Variants in TANGO6 observed in about 807,000 individuals in gnomAD.
TANGO6 encodes transport and Golgi organization protein 6 homolog.
TANGO6 carries 90 observed loss-of-function variants against 114.2 expected under a neutral mutation model. That is an observed-to-expected ratio of 0.79 (90% CI 0.66 to 0.94). TANGO6 has a LOEUF of 0.94. Among genes scored for constraint, TANGO6 ranks in the 40% least tolerant of loss-of-function variants. The pLI is 0.00. For synonymous variants in TANGO6, 477 were observed against 509.8 expected (o/e 0.94, Z 0.87); for missense variants, 1,274 against 1,315.3 (o/e 0.97, Z 0.49).
chr16:69,041,870 A>G (rs1959779285), intron 17 of TANGO6, among the ~76,000 whole-genome samples: 1 of 152,244 alleles, frequency 6.6e-6, no homozygotes, highest in South Asian at 2.1e-4. Flanking sequence ...GCAGCTCAGT[A>G]TCAACAGGAC....
intron 9 of TANGO6, among the ~76,000 whole-genome samples, chr16:68,906,250 A>G (rs528946824): frequency 6.6e-6 from 1 of 152,176 alleles, no homozygotes; most frequent in Non-Finnish European, 1.5e-5. Context: ...GCCAGATTTT[A>G]TAACTTGGTA....
chr16:69,050,235 A>G (rs1959925856), intron 17 of TANGO6, among the ~76,000 whole-genome samples: 1 of 152,146 alleles, frequency 6.6e-6, no homozygotes. Flanking sequence ...CCTCACGAAC[A>G]CTTGTTATTG....
chr16:69,024,624 G>A (rs967581866), intron 16 of TANGO6, among the ~76,000 whole-genome samples: 1 of 152,074 alleles, frequency 6.6e-6, no homozygotes, highest in Non-Finnish European at 1.5e-5. Context: ...CAATATATCA[G>A]TGTATATCTT....
In TANGO6 at chr16:68,882,370, A is replaced by G. The variant is rs533677825; in HGVS notation, c.1377+1740A>G. 3.6e-3 allele frequency among the ~76,000 whole-genome samples: 549 copies of G among 151,958 alleles called. 5 individuals are homozygous for G. Among genetic ancestry groups the G allele is most frequent in the African/African-American group, 9.7e-3 (403 of 41,470 alleles). On this transcript the variant is annotated intron_variant, in intron 7 of 17. Coordinates refer to ENST00000261778, the MANE Select transcript of TANGO6 (RefSeq NM_024562.2). The stretch of plus-strand genomic sequence containing the variant: ...AAATTAGCCGGGCGTGGTGGCAGGC[A>G]CCTGTAGTCCCAGCTACTCGGGAGG...
intron 15 of TANGO6, among the ~76,000 whole-genome samples, chr16:69,004,840 T>C (rs1176559081): frequency 6.6e-6 from 1 of 152,184 alleles, no homozygotes; most frequent in Non-Finnish European, 1.5e-5. Flanking sequence ...TCCGGTTGTC[T>C]CCCACTGCAA....
chr16:69,038,202 G>A (rs941912918), intron 16 of TANGO6, among the ~76,000 whole-genome samples: 1 of 152,140 alleles, frequency 6.6e-6, no homozygotes, highest in Non-Finnish European at 1.5e-5. Context: ...GCCGAGGCAG[G>A]CAGATCACCT....
intron 16 of TANGO6, among the ~76,000 whole-genome samples, chr16:69,023,443 G>A (rs978289113): frequency 2.0e-5 from 3 of 151,978 alleles, no homozygotes; most frequent in East Asian, 1.9e-4. Flanking sequence ...GCAACACAGC[G>A]AGATTCTGTC....
intron 1 of TANGO6, among the ~76,000 whole-genome samples, chr16:68,852,307 A>G (rs1432796641): frequency 1.3e-5 from 2 of 152,202 alleles, no homozygotes; most frequent in Non-Finnish European, 2.9e-5. Context: ...AACACCTGTT[A>G]TGGGACATGC....
At chr16:68,950,429 A>C (rs141857687) in intron 14 of TANGO6, among the ~76,000 whole-genome samples, 3 of 152,084 alleles carry the variant, frequency 2.0e-5, no homozygotes, top group Non-Finnish European at 4.4e-5. Context: ...AGCTGGGCAT[A>C]GTATGGGTTC....
chr16:69,057,953 T>C (rs571700773), intron 17 of TANGO6, among the ~76,000 whole-genome samples: 2 of 152,026 alleles, frequency 1.3e-5, no homozygotes, highest in Non-Finnish European at 2.9e-5. Context: ...TACACAGAAC[T>C]GAAAAAAGCA....
chr16:69,035,115 C>G (rs571762655), intron 16 of TANGO6: 16 of 152,290 alleles, frequency 1.1e-4, no homozygotes, highest in African/African-American at 3.9e-4. Context: ...AAGCCACTGC[C>G]TCTGATCCCA....
intron 14 of TANGO6, among the ~76,000 whole-genome samples, chr16:68,947,843 C>T (rs974110961): frequency 3.9e-5 from 6 of 152,016 alleles, no homozygotes; most frequent in East Asian, 1.9e-4. Flanking sequence ...CCGCCTGCCC[C>T]GGCCTCCCAA....
chr16:68,971,413 G>T (rs1165118480), intron 14 of TANGO6, among the ~76,000 whole-genome samples: 2 of 151,964 alleles, frequency 1.3e-5, no homozygotes, highest in African/African-American at 4.8e-5. Context: ...AGGACTACAG[G>T]CACACATCAC....
rs369104058 is a variant in TANGO6, at chr16:68,865,316, A to T, written c.853-1763A>T. 3.4e-4 allele frequency among the ~76,000 whole-genome samples: 51 copies of T among 151,942 alleles called. No individual in the cohort carries two copies. In the South Asian group the frequency reaches 5.4e-3, roughly 16 times the overall value. ...AAATGCAATGGTTGACAGCAACATG[A>T]TCAGTGTTCTAGCCCAAAATAAGGG... On this transcript the variant is annotated intron_variant, in intron 3 of 17. Transcript: ENST00000261778.
intron 11 of TANGO6, among the ~76,000 whole-genome samples, chr16:68,913,317 G>A (rs1171919933): frequency 6.6e-6 from 1 of 151,282 alleles, no homozygotes; most frequent in Non-Finnish European, 1.5e-5. Context: ...CCTAGTAGCT[G>A]ATCTAGCAAC....
chr16:69,072,026 C>CGTGTGTGTGTGTGTGTGTGTGT (rs58310609), intron 17 of TANGO6, among the ~76,000 whole-genome samples: 18 of 93,018 alleles, frequency 1.9e-4, no homozygotes, highest in African/African-American at 5.3e-4. Context: ...AGAGGGAGAC[C>CGTGTGTGTGTGTGTGTGTGTGT]GTGTGTGTGT....
At position 68,860,266 on chromosome 16, in the gene TANGO6, CT is replaced by C; in HGVS notation, c.478del (p.Tyr160IlefsTer10). On this transcript the variant is annotated frameshift_variant, in exon 2 of 18. Coordinates refer to ENST00000261778, the MANE Select transcript of TANGO6 (RefSeq NM_024562.2). LOFTEE classifies it high-confidence loss of function. ...TTGTAGTTACCTTGGGTATCTGCCC[CT>C]ATCTCATGCCTGGTGTTGGAGTCCC... ...QFVVTLGICP[Y>X]LMPGVGVPLR... The C allele has an allele frequency of 1.2e-6, 2 of 1,614,006 alleles. No individual in the cohort carries two copies. The highest frequency in any genetic ancestry group is 1.7e-6 in the Non-Finnish European group (2 of 1,179,894).
intron 15 of TANGO6, among the ~76,000 whole-genome samples, chr16:69,018,907 C>T (rs1959354415): frequency 6.6e-6 from 1 of 151,942 alleles, no homozygotes; most frequent in African/African-American, 2.4e-5. Flanking sequence ...GAGACTCCGT[C>T]TCAAAAAATA....
At chr16:68,877,668 C>T (rs933594432) in intron 5 of TANGO6, among the ~76,000 whole-genome samples, 2 of 151,348 alleles carry the variant, frequency 1.3e-5, no homozygotes, top group African/African-American at 4.9e-5. Context: ...AGTGCAGTGG[C>T]GCGATCTCCG....
Sources: gnomAD v4.1 joint callset for allele counts (sites outside exome capture counted in the v4.1 genomes callset) on GRCh38, gnomAD v4.1.1 for gene constraint, MANE v1.5 for transcripts, NCBI Gene and HGNC (gene_info 2026-07-23, HGNC 2026-07-21) for gene names.